The following MVB12B variants were observed in gnomAD, a reference collection of about 807,000 sequenced individuals.
The protein encoded by MVB12B is multivesicular body subunit 12B, also known as ESCRT-I complex subunit MVB12B.
A neutral mutation model predicts 41.6 loss-of-function variants in MVB12B; 16 were observed. That is an observed-to-expected ratio of 0.38 (90% CI 0.26 to 0.58). The LOEUF is 0.58. MVB12B is among the 20% of genes least tolerant of loss of function. The pLI is 0.62. For missense variants in MVB12B, 274 were observed against 380.2 expected, an observed-to-expected ratio of 0.72 and a Z score of 2.32; for synonymous variants, 133 against 139.7, an observed-to-expected ratio of 0.95 and a Z score of 0.34.
Position 126,385,859 on chromosome 9 carries a change from G to A in MVB12B, c.313-703G>A, listed in dbSNP as rs961338079. Among the ~76,000 whole-genome samples the A allele has an allele frequency of 2.6e-5, 4 of 152,158 alleles. No homozygotes were observed. In the South Asian group the frequency reaches 6.2e-4, roughly 24 times the overall value. On this transcript the variant is annotated intron_variant, in intron 3 of 9. Coordinates refer to ENST00000361171, the MANE Select transcript of MVB12B (RefSeq NM_033446.3). Reference sequence around the variant, plus strand: ...TGAAATGTGGGCTGCAAGTGCTGGCGTGTTTGCAAAGAATTCTCTCTCGCA... The same window carrying A: ...TGAAATGTGGGCTGCAAGTGCTGGCATGTTTGCAAAGAATTCTCTCTCGCA...
At chr9:126,457,650 C>A (rs867436563) in intron 7 of MVB12B, among the ~76,000 whole-genome samples, 6 of 152,050 alleles carry the variant, frequency 3.9e-5, no homozygotes, top group Non-Finnish European at 8.8e-5. Flanking sequence ...TGTGAGGATG[C>A]GGTTGCCAGT....
intron 7 of MVB12B, among the ~76,000 whole-genome samples, chr9:126,426,741 C>A (rs999725256): frequency 6.6e-6 from 1 of 152,104 alleles, no homozygotes; most frequent in Non-Finnish European, 1.5e-5. Flanking sequence ...AAAGTAGGTG[C>A]GGCTATGTGC....
intron 7 of MVB12B, among the ~76,000 whole-genome samples, chr9:126,432,716 A>G (rs901499737): frequency 6.6e-6 from 1 of 152,204 alleles, no homozygotes; most frequent in Non-Finnish European, 1.5e-5. Context: ...CACCTGTGGT[A>G]CGTGGCAGGG....
rs1247162733 is a variant in MVB12B, at chr9:126,367,553, C to T, written c.205-13511C>T. On this transcript the variant is annotated intron_variant, in intron 2 of 9. Transcript: ENST00000361171. The surrounding 1 kb of genome is among the most constrained non-coding windows in gnomAD (Gnocchi z 4.3). The stretch of plus-strand genomic sequence containing the variant: ...AGATGCCTTTGGTTCTGTTTATCCT[C>T]CCAGCAGCCTGCCTCTTCTCCTTCT... Among the ~76,000 whole-genome samples the T allele has an allele frequency of 6.6e-6, 1 of 152,196 alleles. No individual in the cohort carries two copies.
intron 7 of MVB12B, among the ~76,000 whole-genome samples, chr9:126,433,065 G>C (rs1025039013): frequency 5.3e-5 from 8 of 152,188 alleles, no homozygotes; most frequent in Admixed American, 6.5e-5. Context: ...AAACAGTGAA[G>C]GTGGGGAGCC....
intron 7 of MVB12B, among the ~76,000 whole-genome samples, chr9:126,429,707 C>G (rs777975318): frequency 3.3e-5 from 5 of 152,148 alleles, no homozygotes; most frequent in Admixed American, 1.3e-4. Flanking sequence ...TCATGTAGGC[C>G]TGGCTAATTG....
intron 9 of MVB12B, among the ~76,000 whole-genome samples, chr9:126,501,160 G>A (rs952296769): frequency 6.6e-6 from 1 of 152,238 alleles, no homozygotes; most frequent in Non-Finnish European, 1.5e-5. Context: ...TGGTTGGCGA[G>A]CAGGAAAGTG....
intron 2 of MVB12B, among the ~76,000 whole-genome samples, chr9:126,349,501 T>C (rs1190949688): frequency 6.6e-6 from 1 of 152,228 alleles, no homozygotes; most frequent in Non-Finnish European, 1.5e-5. Context: ...TCACTTCCCT[T>C]ATACTACCAC....
intron 2 of MVB12B, among the ~76,000 whole-genome samples, chr9:126,364,960 G>A (rs1229775986): frequency 6.6e-6 from 1 of 151,962 alleles, no homozygotes; most frequent in African/African-American, 2.4e-5. Context: ...CACCGCGTTA[G>A]CCAGGATGGT....
At chr9:126,431,239 C>G (rs553709823) in intron 7 of MVB12B, among the ~76,000 whole-genome samples, 2 of 152,184 alleles carry the variant, frequency 1.3e-5, no homozygotes, top group Non-Finnish European at 2.9e-5. Flanking sequence ...CTCAGTACCC[C>G]CTGGAAGCCG....
At chr9:126,466,633 TAAG>T (rs1336244061) in intron 7 of MVB12B, among the ~76,000 whole-genome samples, 1 of 152,086 alleles carries the variant, frequency 6.6e-6, no homozygotes, top group Non-Finnish European at 1.5e-5. Context: ...CAGGAGTTGT[TAAG>T]GAGGAAAAAA....
intron 2 of MVB12B, among the ~76,000 whole-genome samples, chr9:126,375,562 C>T (rs938939503): frequency 4.6e-5 from 7 of 152,044 alleles, no homozygotes; most frequent in African/African-American, 9.7e-5. Flanking sequence ...TGGGCCTGGG[C>T]GTGCTGCTGT....
intron 6 of MVB12B, among the ~76,000 whole-genome samples, chr9:126,416,341 A>G (rs10733676): frequency 0.88 from 133,824 of 152,262 alleles, 58,958 homozygotes; most frequent in East Asian, 1. Context: ...AGGCCATGTG[A>G]CTCCCTGGTG....
At chr9:126,380,441 T>C (rs1290126545) in intron 2 of MVB12B, among the ~76,000 whole-genome samples, 1 of 152,200 alleles carries the variant, frequency 6.6e-6, no homozygotes, top group East Asian at 1.9e-4. Flanking sequence ...AATGGCTTCT[T>C]AGTGAGACTA....
At chr9:126,418,630 G>T (rs1831897787) in intron 6 of MVB12B, among the ~76,000 whole-genome samples, 1 of 152,140 alleles carries the variant, frequency 6.6e-6, no homozygotes, top group Non-Finnish European at 1.5e-5. Context: ...TCCAGAGAAA[G>T]GCAGAACCCA....
At chr9:126,344,764 A>C (rs540101809) in intron 2 of MVB12B, among the ~76,000 whole-genome samples, 1 of 152,346 alleles carries the variant, frequency 6.6e-6, no homozygotes, top group African/African-American at 2.4e-5. Flanking sequence ...GGGAAGTCTA[A>C]GGTGAAGGGC....
At chr9:126,327,505 C>G (rs950160578) in intron 1 of MVB12B, among the ~76,000 whole-genome samples, 1 of 152,196 alleles carries the variant, frequency 6.6e-6, no homozygotes, top group Non-Finnish European at 1.5e-5. Flanking sequence ...CCCTCAGGCA[C>G]CTGTCTGGAA....
At chr9:126,397,565 A>G (rs1237756694) in intron 6 of MVB12B, 1 of 985,308 alleles carries the variant, frequency 1.0e-6, no homozygotes, top group African/African-American at 1.7e-5. Context: ...GGCTGAGTTA[A>G]GTCAGCCAAT....
intron 3 of MVB12B, among the ~76,000 whole-genome samples, chr9:126,381,547 C>T (rs908273839): frequency 1.1e-4 from 17 of 152,192 alleles, no homozygotes; most frequent in African/African-American, 3.6e-4. Context: ...CAGGGAGGGC[C>T]CCTGTGACCC....
Sources: gnomAD v4.1 joint callset for allele counts (sites outside exome capture counted in the v4.1 genomes callset) on GRCh38, gnomAD v4.1.1 for gene constraint, Gnocchi (gnomAD v3.1) non-coding constraint, MANE v1.5 for transcripts, NCBI Gene and HGNC (gene_info 2026-07-23, HGNC 2026-07-21) for gene names.